BCL2L13: variants seen among roughly 807,000 people sequenced by gnomAD.
BCL2L13 encodes the protein bcl-2-like protein 13.
In BCL2L13, 13 loss-of-function variants were observed where a neutral mutation model predicts 25.8. The observed-to-expected ratio is 0.50, with a 90% confidence interval of 0.33 to 0.80. The LOEUF (loss-of-function observed/expected upper bound fraction) is 0.80, where lower values mean the gene tolerates loss of function less well. Among genes scored for constraint, BCL2L13 ranks in the 30% least tolerant of loss-of-function variants. The probability of loss-of-function intolerance (pLI) is 0.02; values close to 1 mark genes in which losing one functional copy is unlikely to be tolerated. For missense variants in BCL2L13, 504 were observed against 574.9 expected (o/e 0.88, Z 1.26); for synonymous variants, 244 against 230.3 (o/e 1.06, Z -0.54).
chr22:17,631,668 G>GTATATA (rs869084263), intron 1 of BCL2L13, among the ~76,000 whole-genome samples: 5 of 21,858 alleles, frequency 2.3e-4, no homozygotes, highest in African/African-American at 6.9e-4. Context: ...ATGTGTGTGT[G>GTATATA]TGTATATATA....
chr22:17,713,173 A>G (rs2060809561), intron 6 of BCL2L13, among the ~76,000 whole-genome samples: 1 of 152,170 alleles, frequency 6.6e-6, no homozygotes. Context: ...ATGTTACATA[A>G]TCTCCCCAAC....
At chr22:17,709,094 G>A (rs1331239998) in intron 6 of BCL2L13, among the ~76,000 whole-genome samples, 3 of 152,022 alleles carry the variant, frequency 2.0e-5, no homozygotes, top group African/African-American at 7.2e-5. Context: ...AAATTAGCTG[G>A]GCGTGGTGGC....
chr22:17,671,428 G>T (rs1279787057), intron 2 of BCL2L13, among the ~76,000 whole-genome samples: 1 of 148,448 alleles, frequency 6.7e-6, no homozygotes, highest in Non-Finnish European at 1.5e-5. Context: ...TTAGCCAGGA[G>T]TTGTGGCGGG....
At chr22:17,689,700 G>A (rs565401648) in intron 4 of BCL2L13, among the ~76,000 whole-genome samples, 5 of 151,842 alleles carry the variant, frequency 3.3e-5, no homozygotes, top group African/African-American at 4.8e-5. Flanking sequence ...AAACTTAGCC[G>A]GGCATGGTGG....
In BCL2L13 at chr22:17,696,123, T is replaced by C. The variant is rs1436818918; in HGVS notation, c.387-18T>C. ...TTTTCCTTCTTTGTGACACAGACTTTTAAAAAAATCTCTACAGGCCAGTGA... is the reference window on the plus strand; with the variant it reads ...TTTTCCTTCTTTGTGACACAGACTTCTAAAAAAATCTCTACAGGCCAGTGA... On this transcript the variant is annotated intron_variant, in intron 4 of 6. Coordinates refer to ENST00000317582, the MANE Select transcript of BCL2L13 (RefSeq NM_015367.4). 3.7e-6 allele frequency: 6 copies of C among 1,605,824 alleles called. No homozygotes were observed. Among genetic ancestry groups the C allele is most frequent in the East Asian group, 2.2e-5 (1 of 44,830 alleles).
Position 17,655,761 on chromosome 22 carries a change from A to G in BCL2L13, c.50A>G (p.Tyr17Cys), listed in dbSNP as rs1191993149. 2.5e-6 allele frequency: 4 copies of G among 1,613,790 alleles called. No individual in the cohort carries two copies. The highest frequency in any genetic ancestry group is 3.4e-6 in the Non-Finnish European group (4 of 1,179,862). Residue 17 changes from tyrosine to cysteine, a missense_variant, in exon 2 of 7, where the codon TAT becomes TGT. By Grantham distance (194) the Tyr-to-Cys change is radical. Transcript: ENST00000317582. ...CTGGGATTTCACTATGAAACAAAGTATGTTGTTCTCAGCTACTTGGGACTC... is the reference window on the plus strand; with the variant it reads ...CTGGGATTTCACTATGAAACAAAGTGTGTTGTTCTCAGCTACTTGGGACTC... ...VPLGFHYETK[Y>C]VVLSYLGLLS...
At chr22:17,722,095 G>A (rs1045465016) in intron 6 of BCL2L13, among the ~76,000 whole-genome samples, 3 of 152,042 alleles carry the variant, frequency 2.0e-5, no homozygotes, top group Admixed American at 6.5e-5. Context: ...ATGCAAATAA[G>A]TAGATATGTA....
chr22:17,705,788 G>T (rs1166537167), intron 6 of BCL2L13, among the ~76,000 whole-genome samples: 3 of 152,078 alleles, frequency 2.0e-5, no homozygotes, highest in Non-Finnish European at 4.4e-5. Context: ...TTTCCACGGG[G>T]AATGTATTTG....
At chr22:17,688,345 C>T (rs73378734) in intron 3 of BCL2L13, among the ~76,000 whole-genome samples, 8,125 of 152,226 alleles carry the variant, frequency 0.053, 360 homozygotes, top group African/African-American at 0.12. Flanking sequence ...GTTGAAAGTT[C>T]ATTTTAATAA....
intron 2 of BCL2L13, among the ~76,000 whole-genome samples, chr22:17,658,946 C>G (rs9605373): frequency 6.9e-6 from 1 of 144,730 alleles, no homozygotes; most frequent in Non-Finnish European, 1.5e-5. Flanking sequence ...GTAATCCCAG[C>G]TACTTGGGAG....
intron 6 of BCL2L13, among the ~76,000 whole-genome samples, chr22:17,725,202 A>G (rs750823866): frequency 4.2e-4 from 64 of 152,196 alleles, no homozygotes; most frequent in Non-Finnish European, 2.9e-4. Flanking sequence ...CTCTGATTAT[A>G]ATTTTGTACC....
intron 6 of BCL2L13, among the ~76,000 whole-genome samples, chr22:17,724,949 C>T (rs930604931): frequency 2.0e-5 from 3 of 152,200 alleles, no homozygotes; most frequent in Non-Finnish European, 4.4e-5. Context: ...ATATGTCAGG[C>T]TTCACAGCTG....
chr22:17,643,400 G>A (rs565748232), intron 1 of BCL2L13, among the ~76,000 whole-genome samples: 1 of 151,868 alleles, frequency 6.6e-6, no homozygotes, highest in African/African-American at 2.4e-5. Flanking sequence ...CACCGCGCCC[G>A]GCCATTTCAT....
chr22:17,634,459 A>G (rs376047505), upstream of BCL2L13, among the ~76,000 whole-genome samples: 5 of 152,348 alleles, frequency 3.3e-5, no homozygotes, highest in East Asian at 5.8e-4. Flanking sequence ...TGTTGGGACT[A>G]CAGGCGTGAG....
At chr22:17,715,596 A>G (rs1298101834) in intron 6 of BCL2L13, among the ~76,000 whole-genome samples, 3 of 152,090 alleles carry the variant, frequency 2.0e-5, no homozygotes, top group East Asian at 3.9e-4. Flanking sequence ...CAACAAAAAT[A>G]TAAAAATATA....
chr22:17,664,225 TC>T (rs755613558), intron 2 of BCL2L13, among the ~76,000 whole-genome samples: 4 of 151,760 alleles, frequency 2.6e-5, no homozygotes, highest in Non-Finnish European at 5.9e-5. Flanking sequence ...CCTCAGGTGA[TC>T]CAGCTGCCTC....
chr22:17,725,867 CA>C (rs1287194752), intron 6 of BCL2L13, among the ~76,000 whole-genome samples: 1 of 150,542 alleles, frequency 6.6e-6, no homozygotes, highest in Non-Finnish European at 1.5e-5. Flanking sequence ...GCACCTTATA[CA>C]TATAGCGTGA....
rs534055805 is a variant in BCL2L13 at position 17,672,202 on chromosome 22, A to C, written c.122-11012A>C. ...CTGAATACTTGCTAAAACAAAGATC[A>C]TGGAGCTCTACCCTAGACCTACAGG... On this transcript the variant is annotated intron_variant, in intron 2 of 6. Transcript: ENST00000317582. Among the ~76,000 whole-genome samples, 460 of 152,372 alleles carry C rather than the reference A, an allele frequency of 3.0e-3. 3 individuals are homozygous for C. The highest frequency in any genetic ancestry group is 0.011 in the African/African-American group (437 of 41,584).
At chr22:17,641,900 C>CGCCATTCTCT (rs1343102785) in intron 1 of BCL2L13, among the ~76,000 whole-genome samples, 4 of 149,256 alleles carry the variant, frequency 2.7e-5, no homozygotes. Flanking sequence ...CCCGGGTTGA[C>CGCCATTCTCT]GCCATTCTCT....
Sources: allele counts gnomAD v4.1 joint callset (sites outside exome capture counted in the v4.1 genomes callset), GRCh38; gene constraint gnomAD v4.1.1; transcripts MANE v1.5; gene names NCBI Gene and HGNC (gene_info 2026-07-23, HGNC 2026-07-21).